MTFR2: variants seen among roughly 807,000 people sequenced by gnomAD.
MTFR2 encodes DUF729 domain-containing protein 1.
In MTFR2, 44 loss-of-function variants were observed where a neutral mutation model predicts 41.2. That is an observed-to-expected ratio of 1.07 (90% confidence interval 0.84 to 1.37). MTFR2 has a LOEUF of 1.37. MTFR2 is among the 40% of genes most tolerant of loss of function. The pLI is 0.00. For missense variants in MTFR2, 452 were observed against 459.5 expected, an observed-to-expected ratio of 0.98 and a Z score of 0.15; for synonymous variants, 141 against 154.6, an observed-to-expected ratio of 0.91 and a Z score of 0.65.
Position 136,231,211 on chromosome 6 carries a change from T to G in MTFR2, c.*64A>C. ...TAGCCTTTAACAGTCCAAATCAGTT[T>G]CTAAGAATAATTTATCATCCAGGAA... is the stretch of plus-strand genomic sequence containing the variant. On this transcript the variant is annotated 3_prime_UTR_variant, in exon 8 of 8. Transcript: ENST00000420702. 9.1e-7 allele frequency: 1 copy of G among 1,093,616 alleles called. No homozygotes were observed. 67.7% of individuals were successfully genotyped at this position (1,093,616 alleles called of 1,614,324 possible).
At chr6:136,239,964 T>C in intron 5 of MTFR2, 144 bp from the exon 6 acceptor site, 1 of 642,242 alleles carries the variant, frequency 1.6e-6, no homozygotes, top group East Asian at 2.8e-5. Context: ...GTCAATCCCA[T>C]CTGCTTAGTA....
intron 6 of MTFR2, among the ~76,000 whole-genome samples, chr6:136,236,122 A>G (rs1311617169): frequency 6.6e-6 from 1 of 152,180 alleles, no homozygotes; most frequent in Non-Finnish European, 1.5e-5. Context: ...ATTATAGACG[A>G]CTTCAAGAAT....
intron 5 of MTFR2, among the ~76,000 whole-genome samples, chr6:136,240,404 T>C (rs982581117): frequency 2.0e-5 from 3 of 151,574 alleles, no homozygotes; most frequent in Non-Finnish European, 4.4e-5. Flanking sequence ...TATATGTAAA[T>C]GTTATAAATA....
chr6:136,243,827 C>T (rs1225479276), intron 3 of MTFR2, among the ~76,000 whole-genome samples: 2 of 151,934 alleles, frequency 1.3e-5, no homozygotes, highest in African/African-American at 4.8e-5. Flanking sequence ...CATGTTATTG[C>T]CACTGAAGGC....
At chr6:136,244,949 A>G (rs999094234) in intron 2 of MTFR2, 80 bp from the exon 3 acceptor site, 15 of 961,864 alleles carry the variant, frequency 1.6e-5, no homozygotes, top group Admixed American at 6.2e-5. Flanking sequence ...GAGATGTAAA[A>G]AAGACAAAAA....
intron 6 of MTFR2, among the ~76,000 whole-genome samples, chr6:136,238,648 TAACAG>T (rs1779967636): frequency 6.6e-6 from 1 of 151,076 alleles, no homozygotes; most frequent in Non-Finnish European, 1.5e-5. Flanking sequence ...AAAAATTTGT[TAACAG>T]AATAGAGCTC....
intron 3 of MTFR2, among the ~76,000 whole-genome samples, chr6:136,243,949 A>G (rs958974682): frequency 5.9e-5 from 9 of 152,090 alleles, no homozygotes. Flanking sequence ...AAAAAATTTT[A>G]AAAGTATAAA....
intron 3 of MTFR2, 24 bp from the exon 4 acceptor site, chr6:136,242,997 A>C: frequency 1.3e-6 from 2 of 1,550,240 alleles, no homozygotes; most frequent in Non-Finnish European, 1.8e-6. Flanking sequence ...AGAAAAAAAT[A>C]GTCAGAGCTC....
At chr6:136,248,200 A>G (rs1295686746) in intron 2 of MTFR2, among the ~76,000 whole-genome samples, 2 of 152,202 alleles carry the variant, frequency 1.3e-5, no homozygotes, top group Non-Finnish European at 2.9e-5. Flanking sequence ...GAATACAACC[A>G]TGTATTACTC....
chr6:136,235,227 C>A (rs576540033), intron 6 of MTFR2, among the ~76,000 whole-genome samples: 15 of 122,966 alleles, frequency 1.2e-4, no homozygotes, highest in East Asian at 1.0e-3. Flanking sequence ...GATCGTGTTG[C>A]CATTTGCTAA....
At chr6:136,235,423 T>A (rs1779878129) in intron 6 of MTFR2, among the ~76,000 whole-genome samples, 1 of 151,960 alleles carries the variant, frequency 6.6e-6, no homozygotes, top group African/African-American at 2.4e-5. Context: ...AAAATAAACG[T>A]TTGAGTCATA....
intron 3 of MTFR2, among the ~76,000 whole-genome samples, chr6:136,243,746 A>G (rs1780146695): frequency 1.3e-5 from 2 of 151,762 alleles, no homozygotes; most frequent in African/African-American, 4.8e-5. Context: ...ACTATACCAC[A>G]GCCTCAGGAA....
intron 6 of MTFR2, among the ~76,000 whole-genome samples, chr6:136,235,930 CA>C (rs1056058605): frequency 3.3e-4 from 46 of 140,206 alleles, no homozygotes; most frequent in Non-Finnish European, 2.8e-4. Context: ...GACTCCGTCT[CA>C]AAAAAAAAAA....
At chr6:136,231,446 A>G (rs1347704171) in intron 7 of MTFR2, 58 bp from the exon 8 acceptor site, 2 of 1,103,760 alleles carry the variant, frequency 1.8e-6, no homozygotes, top group East Asian at 2.5e-5. Context: ...AAAAAAAAGA[A>G]TGGCAAGACA....
rs1043257994 is a variant in MTFR2 at position 136,244,929 on chromosome 6, A to C, written c.64-60T>G. The stretch of plus-strand genomic sequence containing the variant: ...TCTGATTAAGCATATTTATATAAGT[A>C]TGAAAAAAGGAGATGTAAAAAAGAC... On this transcript the variant is annotated intron_variant, in intron 2 of 7. Coordinates refer to ENST00000420702, the MANE Select transcript of MTFR2 (RefSeq NM_001099286.3). 27 of 1,281,978 alleles carry C rather than the reference A, an allele frequency of 2.1e-5. No individual in the cohort carries two copies. The African/African-American group carries it at 2.2e-4, about 11-fold the overall frequency. The allele number at this position is 1,281,978 out of a possible 1,614,324, so 79.4% of individuals were successfully genotyped here. A position where few individuals can be genotyped will look rare whatever the true frequency, so the allele number is the denominator to read the frequency against.
intron 7 of MTFR2, among the ~76,000 whole-genome samples, chr6:136,232,407 T>C (rs12111460): frequency 0.12 from 18,420 of 152,078 alleles, 2,497 homozygotes; most frequent in African/African-American, 0.33. Context: ...TACAGATGCG[T>C]GCCACCACAC....
chr6:136,249,239 C>T (rs1453830691), intron 1 of MTFR2, 86 bp from the exon 2 acceptor site: 6 of 558,728 alleles, frequency 1.1e-5, no homozygotes, highest in Middle Eastern at 2.8e-4. Context: ...TCTTGATACA[C>T]GACACAGTCA....
chr6:136,236,595 C>A (rs1245723818), intron 6 of MTFR2, among the ~76,000 whole-genome samples: 1 of 152,100 alleles, frequency 6.6e-6, no homozygotes, highest in Non-Finnish European at 1.5e-5. Flanking sequence ...CTAGTTGGGA[C>A]CAAGCATGCA....
chr6:136,245,183 C>A (rs1054742947), intron 2 of MTFR2, among the ~76,000 whole-genome samples: 2 of 151,972 alleles, frequency 1.3e-5, no homozygotes, highest in African/African-American at 4.8e-5. Context: ...TTGGGAGAAA[C>A]TTTGTTCAAA....
Sources: allele counts gnomAD v4.1 joint callset (sites outside exome capture counted in the v4.1 genomes callset), GRCh38; gene constraint gnomAD v4.1.1; transcripts MANE v1.5; gene names NCBI Gene and HGNC (gene_info 2026-07-23, HGNC 2026-07-21).